The following ITGB6 variants were observed in gnomAD, a reference collection of about 807,000 sequenced individuals.
ITGB6 encodes the protein integrin subunit beta 6.
In ITGB6, 80 loss-of-function variants were observed where a neutral mutation model predicts 84.5. The ratio of observed to expected loss-of-function variants is 0.95; its 90% CI spans 0.79 to 1.14. The LOEUF is 1.14. ITGB6 is among the 50% of genes most tolerant of loss of function. The pLI is 0.00. For synonymous variants in ITGB6, 383 were observed against 354.9 expected, an observed-to-expected ratio of 1.08 and a Z score of -0.89; for missense variants, 1,006 against 968.0, an observed-to-expected ratio of 1.04 and a Z score of -0.52.
chr2:160,126,154 G>C (rs115251017), intron 11 of ITGB6, among the ~76,000 whole-genome samples: 1 of 152,172 alleles, frequency 6.6e-6, no homozygotes, highest in African/African-American at 2.4e-5. Flanking sequence ...TAGCAGAAAC[G>C]TGACATTGTG....
intron 7 of ITGB6, among the ~76,000 whole-genome samples, chr2:160,146,548 T>C (rs965757728): frequency 6.6e-6 from 1 of 152,242 alleles, no homozygotes; most frequent in Non-Finnish European, 1.5e-5. Flanking sequence ...TTGGCTTACA[T>C]AGACTGAGAA....
At chr2:160,115,762 G>GA (rs1003652953) in intron 12 of ITGB6, among the ~76,000 whole-genome samples, 7 of 151,996 alleles carry the variant, frequency 4.6e-5, no homozygotes, top group African/African-American at 7.2e-5. Flanking sequence ...TAAAAACTGT[G>GA]AAAAAAAATT....
intron 7 of ITGB6, among the ~76,000 whole-genome samples, chr2:160,158,709 G>A (rs1389816751): frequency 6.6e-6 from 1 of 152,306 alleles, no homozygotes; most frequent in South Asian, 2.1e-4. Flanking sequence ...TAGCAAGTAG[G>A]TGTATGTGCA....
chr2:160,120,317 C>T (rs1559105361), intron 12 of ITGB6, among the ~76,000 whole-genome samples: 3 of 116,466 alleles, frequency 2.6e-5, no homozygotes, highest in Non-Finnish European at 1.8e-5. Flanking sequence ...CACATATACA[C>T]CATGGAATAC....
intron 14 of ITGB6, among the ~76,000 whole-genome samples, chr2:160,103,527 CCT>C (rs1388007718): frequency 6.6e-6 from 1 of 152,118 alleles, no homozygotes; most frequent in Admixed American, 6.6e-5. Context: ...TTCTGAGGGA[CCT>C]CCAGATCTTA....
In ITGB6 at chr2:160,195,585, C is replaced by A. The variant is rs775303141; in HGVS notation, c.377G>T (p.Arg126Leu). 6.2e-6 allele frequency: 10 copies of A among 1,613,934 alleles called. No homozygotes were observed. The highest frequency in any genetic ancestry group is 1.1e-5 in the South Asian group (1 of 91,076). The change falls in exon 4 of 15, where the codon CGC becomes CTC. Residue 126 changes from arginine to leucine, a missense_variant. Arg to Leu is a moderately radical substitution (Grantham distance 102, BLOSUM62 -2). Coordinates refer to ENST00000283249, the MANE Select transcript of ITGB6 (RefSeq NM_000888.5). ...ATCCACCGGGTAGTCCTCAGTCTGG[C>A]GGACATGCACCTGCAGAGTCTGCGC... ...GGAQTLQVHV[R>L]QTEDYPVDLY... is the part of the protein sequence containing the mutation.
Position 160,137,694 on chromosome 2 carries a change from C to CA in ITGB6, c.1399dup (p.Cys467LeufsTer25). 1 of 1,614,216 alleles carries CA rather than the reference C, an allele frequency of 6.2e-7. No homozygotes were observed. The highest frequency in any genetic ancestry group is 1.1e-5 in the South Asian group (1 of 91,084). ...CTGGAAAGAGCCGTTCCCGTGGTGACATTTGGAGCTGTTCACTTCCACTTC... is the reference window on the plus strand; with the variant it reads ...CTGGAAAGAGCCGTTCCCGTGGTGACAATTTGGAGCTGTTCACTTCCACTTC... On this transcript the variant is annotated frameshift_variant, in exon 10 of 15. Coordinates refer to ENST00000283249, the MANE Select transcript of ITGB6 (RefSeq NM_000888.5). LOFTEE classifies it high-confidence loss of function.
chr2:160,174,596 G>C (rs1038306663), intron 4 of ITGB6, among the ~76,000 whole-genome samples: 2 of 152,146 alleles, frequency 1.3e-5, no homozygotes, highest in African/African-American at 4.8e-5. Context: ...GTACTCCCAG[G>C]TCTGCCTGCC....
In ITGB6 at chr2:160,116,658, T is replaced by A. The variant is rs1243355252; in HGVS notation, c.1982-4459A>T. Reference sequence around the variant, plus strand: ...ATAATGACAGGACCAAATTCACACATAACAATATTAACTTTAAATGTAAAT... The same window carrying A: ...ATAATGACAGGACCAAATTCACACAAAACAATATTAACTTTAAATGTAAAT... On this transcript the variant is annotated intron_variant, in intron 12 of 14. Transcript: ENST00000283249. 6.7e-4 allele frequency among the ~76,000 whole-genome samples: 102 copies of A among 152,232 alleles called. 1 individual carries two copies. The highest frequency in any genetic ancestry group is 2.4e-3 in the African/African-American group (98 of 41,544).
Position 160,118,040 on chromosome 2 carries a change from A to G in ITGB6, c.1981+5751T>C, listed in dbSNP as rs1682863049. Among the ~76,000 whole-genome samples, 5 of 152,318 alleles carry G rather than the reference A, an allele frequency of 3.3e-5. No individual in the cohort carries two copies. In the South Asian group the frequency reaches 1.0e-3, roughly 32 times the overall value. ...ATAATCAATAGCTTACCAACCAAAA[A>G]AAGTCCAGGACCAGATGGATTCACA... On this transcript the variant is annotated intron_variant, in intron 12 of 14. Coordinates refer to ENST00000283249, the MANE Select transcript of ITGB6 (RefSeq NM_000888.5).
At chr2:160,168,473 A>T (rs139811657) in intron 7 of ITGB6, among the ~76,000 whole-genome samples, 4 of 151,930 alleles carry the variant, frequency 2.6e-5, no homozygotes, top group African/African-American at 9.7e-5. Context: ...CCTGCTAAAG[A>T]CTCCTTACTT....
chr2:160,112,514 C>A (rs1426687311), intron 12 of ITGB6, among the ~76,000 whole-genome samples: 1 of 151,888 alleles, frequency 6.6e-6, no homozygotes, highest in African/African-American at 2.4e-5. Flanking sequence ...ATAGAATGGC[C>A]CTGATTATGG....
chr2:160,193,616 T>C (rs918606190), intron 4 of ITGB6, among the ~76,000 whole-genome samples: 2 of 152,370 alleles, frequency 1.3e-5, no homozygotes, highest in Middle Eastern at 6.8e-3. Flanking sequence ...ATGTCAACTA[T>C]ACATTAAAAG....
chr2:160,178,478 T>C (rs1423552156), intron 4 of ITGB6, among the ~76,000 whole-genome samples: 2 of 152,238 alleles, frequency 1.3e-5, no homozygotes, highest in Non-Finnish European at 2.9e-5. Context: ...GTTAGAATTA[T>C]CCGCTATGTA....
chr2:160,142,037 C>T lies in ITGB6; in HGVS notation c.1052G>A (p.Gly351Asp). 6.2e-7 allele frequency: 1 copy of T among 1,608,338 alleles called. No homozygotes were observed. The highest frequency in any genetic ancestry group is 1.1e-5 in the South Asian group (1 of 90,258). The part of the protein sequence containing the change: ...YAKLIPGATV[G>D]LLQKDSGNIL... ...GTTTCCGGAGTCCTTCTGAAGTAGA[C>T]CTACTGTAGCTCCAGGAATAAGTTT... The change falls in exon 8 of 15, where the codon GGT becomes GAT. Residue 351 changes from glycine (G) to aspartate (D), a missense_variant. By Grantham distance (94) the Gly-to-Asp change is moderately conservative. Coordinates refer to ENST00000283249, the MANE Select transcript of ITGB6 (RefSeq NM_000888.5).
intron 6 of ITGB6, among the ~76,000 whole-genome samples, chr2:160,171,917 G>A (rs1256049789): frequency 1.3e-5 from 2 of 152,172 alleles, no homozygotes; most frequent in Non-Finnish European, 1.5e-5. Context: ...AGGCTAGGAA[G>A]GAAGGATATT....
intron 14 of ITGB6, among the ~76,000 whole-genome samples, chr2:160,106,055 T>G (rs981370045): frequency 6.6e-6 from 1 of 152,162 alleles, no homozygotes; most frequent in African/African-American, 2.4e-5. Flanking sequence ...CTTGGCTGAA[T>G]TATTTCAAAG....
intron 14 of ITGB6, among the ~76,000 whole-genome samples, chr2:160,102,299 C>T (rs1041783125): frequency 2.6e-5 from 4 of 152,144 alleles, no homozygotes; most frequent in African/African-American, 9.7e-5. Context: ...CTTTAACAAA[C>T]GTGTTACTCA....
At chr2:160,131,560 C>T (rs1559124486) in intron 10 of ITGB6, among the ~76,000 whole-genome samples, 1 of 152,114 alleles carries the variant, frequency 6.6e-6, no homozygotes. Context: ...CAATGCCAGG[C>T]ACATAGTAGG....
Sources: allele counts gnomAD v4.1 joint callset (sites outside exome capture counted in the v4.1 genomes callset), GRCh38; gene constraint gnomAD v4.1.1; transcripts MANE v1.5; gene names NCBI Gene and HGNC (gene_info 2026-07-23, HGNC 2026-07-21).